The following RNLS variants were observed in gnomAD, a reference collection of about 807,000 sequenced individuals.
RNLS encodes renalase.
A neutral mutation model predicts 39.8 loss-of-function variants in RNLS; 39 were observed. That is an observed-to-expected ratio of 0.98 (90% CI 0.76 to 1.28). The LOEUF is 1.28. Ranked by LOEUF, RNLS falls within the 50% of genes most tolerant of loss-of-function variation. The pLI, the probability that RNLS is intolerant of heterozygous loss-of-function variation, is 0.00. For synonymous variants in RNLS, 147 were observed against 150.7 expected, an observed-to-expected ratio of 0.98 and a Z score of 0.18; for missense variants, 410 against 413.3, an observed-to-expected ratio of 0.99 and a Z score of 0.07.
chr10:88,219,379 A>G, the RNLS span, among the ~76,000 whole-genome samples: 1 of 152,298 alleles, frequency 6.6e-6, no homozygotes, highest in Non-Finnish European at 1.5e-5. Context: ...TCTTTCATCA[A>G]TAGAATTTTC....
chr10:88,292,127 G>T (rs1378510918), intron 6 of RNLS, among the ~76,000 whole-genome samples: 1 of 151,662 alleles, frequency 6.6e-6, no homozygotes, highest in Non-Finnish European at 1.5e-5. Context: ...TAGCTACAGT[G>T]GTACACTCTT....
chr10:88,374,245 T>A (rs1275061060), intron 4 of RNLS, among the ~76,000 whole-genome samples: 2 of 152,094 alleles, frequency 1.3e-5, no homozygotes, highest in Admixed American at 6.6e-5. Flanking sequence ...TGGAAAGACA[T>A]GATATTTCAT....
At chr10:88,306,412 T>C (rs1844920409) in intron 6 of RNLS, among the ~76,000 whole-genome samples, 1 of 151,564 alleles carries the variant, frequency 6.6e-6, no homozygotes, top group South Asian at 2.1e-4. Flanking sequence ...AAAAAATTAA[T>C]AAAATACACA....
chr10:88,526,222 GA>G (rs1847091997), intron 4 of RNLS, among the ~76,000 whole-genome samples: 1 of 151,410 alleles, frequency 6.6e-6, no homozygotes, highest in Non-Finnish European at 1.5e-5. Context: ...GTCACCTTGA[GA>G]AAAATATAGC....
the RNLS span, chr10:88,259,206 G>A: frequency 1.3e-5 from 2 of 152,210 alleles, no homozygotes; most frequent in African/African-American, 4.8e-5. Context: ...ATTTAGCAAA[G>A]TGAAGTCTTA....
At chr10:88,346,968 A>C (rs879935222) in intron 5 of RNLS, among the ~76,000 whole-genome samples, 9 of 152,136 alleles carry the variant, frequency 5.9e-5, no homozygotes, top group African/African-American at 1.4e-4. Context: ...GAAAGTGGTG[A>C]AATCTTTTCT....
intron 4 of RNLS, among the ~76,000 whole-genome samples, chr10:88,367,080 ATAATG>A (rs1448820823): frequency 6.6e-6 from 1 of 151,978 alleles, no homozygotes; most frequent in Non-Finnish European, 1.5e-5. Context: ...TATAATATAT[ATAATG>A]TAAATTTTAA....
At chr10:88,567,692 C>G (rs987073808) in intron 4 of RNLS, among the ~76,000 whole-genome samples, 24 of 152,142 alleles carry the variant, frequency 1.6e-4, no homozygotes, top group Non-Finnish European at 1.3e-4. Flanking sequence ...CCAATTTCTT[C>G]TATATTATTA....
the RNLS span, among the ~76,000 whole-genome samples, chr10:88,184,965 C>G: frequency 6.6e-6 from 1 of 152,078 alleles, no homozygotes; most frequent in East Asian, 1.9e-4. Context: ...TGCATTGGTC[C>G]CTTGCCTTTG....
intron 5 of RNLS, among the ~76,000 whole-genome samples, chr10:88,318,775 G>A (rs1483005747): frequency 6.6e-6 from 1 of 152,216 alleles, no homozygotes; most frequent in Non-Finnish European, 1.5e-5. Flanking sequence ...AAGGCTGGGA[G>A]CCCTGTGACA....
At position 88,511,909 on chromosome 10, in the gene RNLS, C is replaced by T. The variant is rs557951918; in HGVS notation, c.526+60994G>A. ...TAATAACTCTTTGAAATCCTATTTTCGATGCCTGCATAATATCCCATAATA... is the reference window on the plus strand; with the variant it reads ...TAATAACTCTTTGAAATCCTATTTTTGATGCCTGCATAATATCCCATAATA... On this transcript the variant is annotated intron_variant, in intron 4 of 6. Coordinates refer to ENST00000331772, the MANE Select transcript of RNLS (RefSeq NM_001031709.3). Among the ~76,000 whole-genome samples the T allele has an allele frequency of 5.3e-5, 8 of 152,200 alleles. No individual in the cohort carries two copies. In the East Asian group the frequency reaches 9.6e-4, roughly 18 times the overall value.
At chr10:88,459,082 C>A (rs1589829432) in intron 4 of RNLS, among the ~76,000 whole-genome samples, 1 of 145,382 alleles carries the variant, frequency 6.9e-6, no homozygotes, top group East Asian at 2.0e-4. Flanking sequence ...TGGTGTGGAG[C>A]TTTCTAGCTT....
chr10:88,225,352 A>G, the RNLS span, among the ~76,000 whole-genome samples: 2 of 152,226 alleles, frequency 1.3e-5, no homozygotes, highest in African/African-American at 2.4e-5. Flanking sequence ...AAATGGAAGA[A>G]ATTAAAGTTT....
At chr10:88,311,978 GT>G (rs1186795894) in intron 6 of RNLS, among the ~76,000 whole-genome samples, 1 of 152,158 alleles carries the variant, frequency 6.6e-6, no homozygotes, top group Non-Finnish European at 1.5e-5. Context: ...CTCTCCAGAG[GT>G]TTTATGAGGA....
At chr10:88,460,846 G>A (rs2133936981) in intron 4 of RNLS, among the ~76,000 whole-genome samples, 1 of 152,196 alleles carries the variant, frequency 6.6e-6, no homozygotes. Context: ...CTGAACTTCA[G>A]TTGATGCAGG....
At chr10:88,559,076 G>A (rs1014418242) in intron 4 of RNLS, among the ~76,000 whole-genome samples, 4 of 152,034 alleles carry the variant, frequency 2.6e-5, no homozygotes, top group African/African-American at 4.8e-5. Context: ...AATTAGAAAC[G>A]TCTTTTAGTA....
intron 3 of RNLS, among the ~76,000 whole-genome samples, chr10:88,577,276 A>G (rs1850266307): frequency 6.6e-6 from 1 of 152,214 alleles, no homozygotes; most frequent in South Asian, 2.1e-4. Flanking sequence ...CAATCTTCAT[A>G]CTATAGGAAA....
chr10:88,199,270 G>A, the RNLS span, among the ~76,000 whole-genome samples: 2 of 152,154 alleles, frequency 1.3e-5, no homozygotes, highest in Non-Finnish European at 2.9e-5. Flanking sequence ...GAAGAGTTGA[G>A]AATCTGAAAT....
At chr10:88,547,713 T>C (rs1019855274) in intron 4 of RNLS, among the ~76,000 whole-genome samples, 1 of 152,136 alleles carries the variant, frequency 6.6e-6, no homozygotes, top group Non-Finnish European at 1.5e-5. Context: ...TTGCATTGCA[T>C]GGGGATCATA....
Sources: allele counts gnomAD v4.1 joint callset (sites outside exome capture counted in the v4.1 genomes callset), GRCh38; gene constraint gnomAD v4.1.1; transcripts MANE v1.5; gene names NCBI Gene and HGNC (gene_info 2026-07-23, HGNC 2026-07-21).